NT5DC1: variants seen among roughly 807,000 people sequenced by gnomAD.
NT5DC1 encodes the protein 5'-nucleotidase domain containing 1.
A neutral mutation model predicts 59.4 loss-of-function variants in NT5DC1; 42 were observed. That is an observed-to-expected ratio of 0.71 (90% CI 0.55 to 0.92). The LOEUF (loss-of-function observed/expected upper bound fraction) is 0.92, where lower values mean the gene tolerates loss of function less well. Ranked by LOEUF, NT5DC1 falls within the 40% of genes least tolerant of loss-of-function variation. The pLI is 0.00. For missense variants in NT5DC1, 501 were observed against 537.1 expected, an observed-to-expected ratio of 0.93 and a Z score of 0.66; for synonymous variants, 172 against 188.1, an observed-to-expected ratio of 0.91 and a Z score of 0.70.
intron 6 of NT5DC1, among the ~76,000 whole-genome samples, chr6:116,157,779 C>T (rs183277871): frequency 1.4e-4 from 21 of 152,234 alleles, no homozygotes; most frequent in Admixed American, 5.2e-4. Flanking sequence ...CAGACTCTAA[C>T]GGGGAAATCA....
At chr6:116,212,722 A>G (rs1436790960) in intron 6 of NT5DC1, among the ~76,000 whole-genome samples, 2 of 152,070 alleles carry the variant, frequency 1.3e-5, no homozygotes, top group Admixed American at 6.6e-5. Flanking sequence ...ACATCCCAGG[A>G]TATTCATTTT....
rs762936062 is a variant in NT5DC1 at position 116,110,848 on chromosome 6, AG to A, written c.259del. The A allele has an allele frequency of 6.2e-7, 1 of 1,610,842 alleles. No homozygotes were observed. The highest frequency in any genetic ancestry group is 8.5e-7 in the Non-Finnish European group (1 of 1,176,900). Reference sequence around the variant, plus strand: ...GCAATGTGCCTCCTCTCTCAAAATCAGGGCAAGCCATGGCACCAAGATGATG... The same window carrying A: ...GCAATGTGCCTCCTCTCTCAAAATCAGGCAAGCCATGGCACCAAGATGATG... On this transcript the variant is annotated splice_acceptor_variant, in intron 3 of 11. Coordinates refer to ENST00000319550, the MANE Select transcript of NT5DC1 (RefSeq NM_152729.3). LOFTEE classifies it high-confidence loss of function.
At chr6:116,115,827 A>G (rs1778953578) in intron 5 of NT5DC1, 57 bp downstream of exon 5, 1 of 842,368 alleles carries the variant, frequency 1.2e-6, no homozygotes, top group East Asian at 2.5e-5. Context: ...AAATTGGAGG[A>G]CCTAATTATA....
At position 116,139,549 on chromosome 6, in the gene NT5DC1, G is replaced by A. The variant is rs576869078; in HGVS notation, c.529+21604G>A. On this transcript the variant is annotated intron_variant, in intron 6 of 11. Coordinates refer to ENST00000319550, the MANE Select transcript of NT5DC1 (RefSeq NM_152729.3). ...GCATTTAAAATGCATTTTACTTGCA[G>A]TGTTAATAAGTGTATTGGAATATTA... Among the ~76,000 whole-genome samples the A allele has an allele frequency of 3.3e-5, 5 of 152,234 alleles. No individual in the cohort carries two copies. The East Asian group carries it at 9.6e-4, about 29-fold the overall frequency.
chr6:116,161,603 C>T (rs1440961541), intron 6 of NT5DC1, among the ~76,000 whole-genome samples: 2 of 151,962 alleles, frequency 1.3e-5, no homozygotes, highest in Non-Finnish European at 2.9e-5. Context: ...ATTTTTGTAC[C>T]AGTAGCATGC....
chr6:116,166,750 T>G (rs1313256869), intron 6 of NT5DC1, among the ~76,000 whole-genome samples: 1 of 152,248 alleles, frequency 6.6e-6, no homozygotes, highest in Admixed American at 6.5e-5. Context: ...ACTTTTCATC[T>G]TTTATCTAGT....
At chr6:116,219,678 C>T (rs930422174) in intron 6 of NT5DC1, among the ~76,000 whole-genome samples, 7 of 151,924 alleles carry the variant, frequency 4.6e-5, no homozygotes, top group African/African-American at 1.7e-4. Flanking sequence ...TCTTCCTGGC[C>T]AGGCATGGTG....
chr6:116,227,459 C>T (rs1213577088), intron 8 of NT5DC1, among the ~76,000 whole-genome samples: 1 of 152,082 alleles, frequency 6.6e-6, no homozygotes, highest in Non-Finnish European at 1.5e-5. Flanking sequence ...ATACCAATTT[C>T]ATACATTTTG....
At chr6:116,229,434 A>G (rs1781969458) in intron 8 of NT5DC1, among the ~76,000 whole-genome samples, 3 of 152,212 alleles carry the variant, frequency 2.0e-5, no homozygotes, top group Non-Finnish European at 4.4e-5. Flanking sequence ...AGCGAGTCGC[A>G]CAGGTTTGAC....
intron 3 of NT5DC1, among the ~76,000 whole-genome samples, chr6:116,109,640 G>A (rs568725): frequency 0.6 from 91,667 of 152,040 alleles, 27,996 homozygotes; most frequent in South Asian, 0.79. Flanking sequence ...CTTTCAACCA[G>A]TGTAGTAGAT....
intron 6 of NT5DC1, among the ~76,000 whole-genome samples, chr6:116,172,209 C>G (rs1478286808): frequency 6.6e-6 from 1 of 151,288 alleles, no homozygotes; most frequent in African/African-American, 2.4e-5. Flanking sequence ...TTATTTTTTT[C>G]ACTTTTACAT....
intron 6 of NT5DC1, chr6:116,121,364 G>A (rs1286962327): frequency 2.5e-6 from 4 of 1,613,858 alleles, no homozygotes; most frequent in African/African-American, 1.3e-5. Context: ...AGGGCCTTGG[G>A]GACCTGGTGG....
intron 11 of NT5DC1, 69 bp from the exon 12 acceptor site, chr6:116,243,838 TCA>T: frequency 1.6e-6 from 1 of 612,014 alleles, no homozygotes; most frequent in East Asian, 2.8e-5. Context: ...TTAGTGAATA[TCA>T]AGTTTTGATT....
chr6:116,133,098 G>A (rs370976238), intron 6 of NT5DC1, among the ~76,000 whole-genome samples: 6 of 152,236 alleles, frequency 3.9e-5, no homozygotes, highest in East Asian at 3.9e-4. Context: ...TCTGTTTTCC[G>A]TTATACACAA....
chr6:116,106,726 G>A (rs919108461), intron 2 of NT5DC1, among the ~76,000 whole-genome samples: 2 of 152,178 alleles, frequency 1.3e-5, no homozygotes, highest in Admixed American at 1.3e-4. Context: ...CACATTTTGA[G>A]TAAGTCTGAA....
intron 6 of NT5DC1, among the ~76,000 whole-genome samples, chr6:116,144,652 T>A (rs1779850680): frequency 6.6e-6 from 1 of 152,204 alleles, no homozygotes; most frequent in Non-Finnish European, 1.5e-5. Flanking sequence ...GTAAACGGAC[T>A]CTTAGATTTT....
At chr6:116,178,637 A>C (rs183287283) in intron 6 of NT5DC1, among the ~76,000 whole-genome samples, 1 of 152,248 alleles carries the variant, frequency 6.6e-6, no homozygotes, top group Non-Finnish European at 1.5e-5. Context: ...GTCAGTGCAA[A>C]GAACTATAGT....
chr6:116,139,723 A>AT (rs1179136901), intron 6 of NT5DC1, among the ~76,000 whole-genome samples: 19 of 152,188 alleles, frequency 1.2e-4, no homozygotes, highest in Middle Eastern at 3.4e-3. Context: ...CTTTCTTGTC[A>AT]TGGGAGTAAG....
At chr6:116,111,043 C>T (rs1331636150) in intron 4 of NT5DC1, 87 bp downstream of exon 4, 4 of 861,600 alleles carry the variant, frequency 4.6e-6, no homozygotes, top group Admixed American at 4.2e-5. Flanking sequence ...GAAGACCCCC[C>T]TTTCCCCTGC....
Sources: gnomAD v4.1 joint callset for allele counts (sites outside exome capture counted in the v4.1 genomes callset) on GRCh38, gnomAD v4.1.1 for gene constraint, MANE v1.5 for transcripts, NCBI Gene and HGNC (gene_info 2026-07-23, HGNC 2026-07-21) for gene names.